The following NEGR1 variants were observed in gnomAD, a reference collection of about 807,000 sequenced individuals.
The protein encoded by NEGR1 is IgLON family member 4.
A neutral mutation model predicts 40.9 loss-of-function variants in NEGR1; 10 were observed. The observed-to-expected ratio is 0.24, with a 90% CI of 0.15 to 0.42. NEGR1 has a LOEUF of 0.42. Ranked by LOEUF, NEGR1 falls within the 10% of genes least tolerant of loss-of-function variation. The pLI is 1.00. For synonymous variants in NEGR1, 185 were observed against 166.8 expected, an observed-to-expected ratio of 1.11 and a Z score of -0.84; for missense variants, 352 against 438.9, an observed-to-expected ratio of 0.80 and a Z score of 1.77.
chr1:72,262,183 C>T (rs1043670750), intron 1 of NEGR1, among the ~76,000 whole-genome samples: 1 of 151,848 alleles, frequency 6.6e-6, no homozygotes, highest in Non-Finnish European at 1.5e-5. Flanking sequence ...ACGTGAGTGG[C>T]CAACAAAGCC....
intron 6 of NEGR1, among the ~76,000 whole-genome samples, chr1:71,556,295 A>C (rs938424932): frequency 9.2e-5 from 14 of 151,528 alleles, no homozygotes; most frequent in Non-Finnish European, 1.8e-4. Context: ...TCTGCCTTAC[A>C]TGTCTAAAAC....
intron 4 of NEGR1, among the ~76,000 whole-genome samples, chr1:71,683,562 A>G (rs1028798260): frequency 3.3e-5 from 5 of 152,120 alleles, no homozygotes; most frequent in Admixed American, 2.6e-4. Flanking sequence ...ATTATACCTC[A>G]AAAGGAAAAA....
intron 1 of NEGR1, among the ~76,000 whole-genome samples, chr1:72,038,762 T>C (rs1323031857): frequency 6.6e-6 from 1 of 151,906 alleles, no homozygotes; most frequent in Non-Finnish European, 1.5e-5. Flanking sequence ...GCTCCATGAA[T>C]CACCATATTT....
intron 1 of NEGR1, among the ~76,000 whole-genome samples, chr1:72,008,915 CA>C (rs1455608182): frequency 6.6e-6 from 1 of 150,644 alleles, no homozygotes; most frequent in Non-Finnish European, 1.5e-5. Flanking sequence ...AGAGTGAAGT[CA>C]AAAAGCTTCC....
rs547015885 is a variant in NEGR1, at chr1:71,690,671, G to C, written c.667+7337C>G. 1.7e-3 allele frequency among the ~76,000 whole-genome samples: 246 copies of C among 142,220 alleles called. 5 individuals are homozygous for C. Among genetic ancestry groups the C allele is most frequent in the Non-Finnish European group, 5.2e-4 (34 of 65,490 alleles). 93.3% of individuals were successfully genotyped at this position (142,220 alleles called of 152,430 possible). On this transcript the variant is annotated intron_variant, in intron 4 of 6. Coordinates refer to ENST00000357731, the MANE Select transcript of NEGR1 (RefSeq NM_173808.3). ...AGAGAGAGAGAGAGAGAGAGATTGA[G>C]ATTTGCCGTTGTTTGTTCTTTCCTG...
At chr1:71,512,140 A>T (rs10889919) in intron 6 of NEGR1, among the ~76,000 whole-genome samples, 6,124 of 152,176 alleles carry the variant, frequency 0.04, 405 homozygotes, top group African/African-American at 0.14. Context: ...AACATACACA[A>T]CTTTCTTTCT....
chr1:71,656,593 TG>T (rs1456372907), intron 4 of NEGR1, among the ~76,000 whole-genome samples: 2 of 152,170 alleles, frequency 1.3e-5, no homozygotes, highest in Admixed American at 6.5e-5. Flanking sequence ...TTTGTATTTT[TG>T]GTAGAGACGG....
rs547403300 is a variant in NEGR1 at position 71,711,105 on chromosome 1, A to G, written c.536-12966T>C. On this transcript the variant is annotated intron_variant, in intron 3 of 6. Transcript: ENST00000357731. Reference sequence around the variant, plus strand: ...AAAGAAGACACCCAATGGGAGGCTGAGGCGGGCAGATCACGAGGTCAGGAG... The same window carrying G: ...AAAGAAGACACCCAATGGGAGGCTGGGGCGGGCAGATCACGAGGTCAGGAG... 2.0e-5 allele frequency among the ~76,000 whole-genome samples: 3 copies of G among 152,032 alleles called. No individual in the cohort carries two copies. In the South Asian group the frequency reaches 6.2e-4, roughly 32 times the overall value.
rs557522195 is a variant in NEGR1, at chr1:71,797,877, G to A, written c.410-21580C>T. Among the ~76,000 whole-genome samples the A allele has an allele frequency of 4.6e-5, 7 of 151,366 alleles. No homozygotes were observed. The South Asian group carries it at 6.3e-4, about 14-fold the overall frequency. On this transcript the variant is annotated intron_variant, in intron 2 of 6. Transcript: ENST00000357731. Reference sequence around the variant, plus strand: ...TCTATTTGTGCAGATCATTTTTATCGAATATCTTTAGAAAAAACAGAGTTT... The same window carrying A: ...TCTATTTGTGCAGATCATTTTTATCAAATATCTTTAGAAAAAACAGAGTTT...
intron 1 of NEGR1, among the ~76,000 whole-genome samples, chr1:72,061,678 A>C (rs1217038455): frequency 6.6e-6 from 1 of 151,844 alleles, no homozygotes; most frequent in African/African-American, 2.4e-5. Context: ...TTTTAAAAAC[A>C]TAATTTTCAA....
intron 6 of NEGR1, among the ~76,000 whole-genome samples, chr1:71,501,275 T>C (rs1185987830): frequency 6.6e-6 from 1 of 152,168 alleles, no homozygotes; most frequent in Non-Finnish European, 1.5e-5. Flanking sequence ...TTCTAAATGA[T>C]GAGATATTTC....
chr1:71,488,282 A>G (rs1471743554), intron 6 of NEGR1: 1 of 151,762 alleles, frequency 6.6e-6, no homozygotes, highest in East Asian at 1.9e-4. Context: ...TATATTGGCC[A>G]AAGTAGTAGT....
At chr1:72,055,532 T>C (rs1647102569) in intron 1 of NEGR1, among the ~76,000 whole-genome samples, 1 of 151,088 alleles carries the variant, frequency 6.6e-6, no homozygotes, top group Non-Finnish European at 1.5e-5. Context: ...AAATGAAATA[T>C]GCCTGAACAC....
At chr1:72,206,740 G>A (rs1014132935) in intron 1 of NEGR1, among the ~76,000 whole-genome samples, 7 of 152,058 alleles carry the variant, frequency 4.6e-5, no homozygotes, top group African/African-American at 1.4e-4. Context: ...GGCTAGAGAT[G>A]TAGATTTGCT....
At chr1:71,653,536 T>C (rs1296909342) in intron 4 of NEGR1, among the ~76,000 whole-genome samples, 1 of 152,180 alleles carries the variant, frequency 6.6e-6, no homozygotes, top group African/African-American at 2.4e-5. Flanking sequence ...TTTATTGTGT[T>C]TTTTTAATCA....
chr1:72,190,115 T>A (rs1054929931), intron 1 of NEGR1, among the ~76,000 whole-genome samples: 1 of 151,558 alleles, frequency 6.6e-6, no homozygotes, highest in Non-Finnish European at 1.5e-5. Flanking sequence ...TACACATGAA[T>A]GAAAAATTTT....
chr1:72,280,016 T>C (rs552684351), intron 1 of NEGR1, among the ~76,000 whole-genome samples: 3 of 152,204 alleles, frequency 2.0e-5, no homozygotes, highest in Non-Finnish European at 4.4e-5. Context: ...TAAAATCTAA[T>C]TTGTTAGAAA....
At chr1:72,220,910 T>TA (rs1448352166) in intron 1 of NEGR1, among the ~76,000 whole-genome samples, 1 of 87,806 alleles carries the variant, frequency 1.1e-5, no homozygotes, top group Non-Finnish European at 2.1e-5. Context: ...TCTACCTACC[T>TA]AAAGTTTTTT....
chr1:72,142,854 G>A (rs1232131564), intron 1 of NEGR1, among the ~76,000 whole-genome samples: 1 of 151,650 alleles, frequency 6.6e-6, no homozygotes, highest in African/African-American at 2.4e-5. Context: ...GGACTCAAGG[G>A]CACCTATTAG....
Sources: gnomAD v4.1 joint callset for allele counts (sites outside exome capture counted in the v4.1 genomes callset) on GRCh38, gnomAD v4.1.1 for gene constraint, MANE v1.5 for transcripts, NCBI Gene and HGNC (gene_info 2026-07-23, HGNC 2026-07-21) for gene names.